Variants in TTC28 observed in about 807,000 individuals in gnomAD.
TTC28 encodes the protein tetratricopeptide repeat domain 28.
In TTC28, 61 loss-of-function variants were observed where a neutral mutation model predicts 198.0. That is an observed-to-expected ratio of 0.31 (90% CI 0.25 to 0.38). The LOEUF is 0.38. TTC28 is among the 10% of genes least tolerant of loss of function. The pLI is 1.00. For missense variants in TTC28, 2,678 were observed against 3,164.0 expected (o/e 0.85, Z 3.69); for synonymous variants, 1,171 against 1,297.8 (o/e 0.90, Z 2.10).
rs947416904 is a variant in TTC28 at position 27,999,188 on chromosome 22, G to C, written c.4471C>G (p.Leu1491Val). The change falls in exon 16 of 23, where the codon CTA (leucine) becomes GTA (valine). Residue 1491 changes from leucine (L) to valine (V), a missense_variant. This residue lies in a region of TTC28 where 727 missense variants were observed against 861.9 expected (regional missense o/e 0.84). Transcript: ENST00000397906. ...SMAAVIGNPK[L>V]PSAVMDRWLW... Reference sequence around the variant, plus strand: ...CACCTGTCCATCACGGCCGATGGTAGCTTGGGGTTGCCGATGACAGCCGCC... The same window carrying C: ...CACCTGTCCATCACGGCCGATGGTACCTTGGGGTTGCCGATGACAGCCGCC... 6.4e-7 allele frequency: 1 copy of C among 1,550,914 alleles called. No individual in the cohort carries two copies. The highest frequency in any genetic ancestry group is 8.7e-7 in the Non-Finnish European group (1 of 1,146,996).
intron 13 of TTC28, among the ~76,000 whole-genome samples, chr22:28,025,573 A>G (rs1214067806): frequency 2.6e-5 from 4 of 152,218 alleles, no homozygotes; most frequent in African/African-American, 4.8e-5. Context: ...GGTGGCCCAC[A>G]TGTACGTTCA....
intron 5 of TTC28, among the ~76,000 whole-genome samples, chr22:28,204,014 C>T (rs1355112324): frequency 6.6e-6 from 1 of 152,160 alleles, no homozygotes; most frequent in Non-Finnish European, 1.5e-5. Context: ...CTACCTCTGC[C>T]TGTCAAAACT....
chr22:28,079,283 G>A (rs972702396), intron 12 of TTC28, among the ~76,000 whole-genome samples: 9 of 152,290 alleles, frequency 5.9e-5, no homozygotes, highest in African/African-American at 2.2e-4. Flanking sequence ...TAGAGATGAT[G>A]GTGACCTGCA....
chr22:28,586,008 C>G (rs775885650), intron 2 of TTC28, among the ~76,000 whole-genome samples: 1 of 151,522 alleles, frequency 6.6e-6, no homozygotes, highest in Non-Finnish European at 1.5e-5. Context: ...AAGCCGGGTG[C>G]GGTGGCTCAT....
chr22:28,672,750 G>C (rs553512468), intron 1 of TTC28, among the ~76,000 whole-genome samples: 49 of 152,354 alleles, frequency 3.2e-4, no homozygotes, highest in African/African-American at 1.1e-3. Context: ...GGTAATAATA[G>C]TAACTGGAGA....
intron 2 of TTC28, among the ~76,000 whole-genome samples, chr22:28,491,633 G>A (rs1038963379): frequency 1.3e-5 from 2 of 152,188 alleles, no homozygotes; most frequent in African/African-American, 4.8e-5. Flanking sequence ...AGGATGTGGA[G>A]AAACAGGAAC....
intron 22 of TTC28, among the ~76,000 whole-genome samples, chr22:27,984,769 A>T (rs1282379036): frequency 6.6e-6 from 1 of 152,204 alleles, no homozygotes; most frequent in African/African-American, 2.4e-5. Context: ...ATCTGTCATG[A>T]CCTTCAGCAG....
chr22:28,055,134 T>G (rs1157373284), intron 12 of TTC28, among the ~76,000 whole-genome samples: 1 of 152,130 alleles, frequency 6.6e-6, no homozygotes, highest in East Asian at 1.9e-4. Context: ...TAAAAAGCAG[T>G]GAAAAACAGG....
intron 1 of TTC28, among the ~76,000 whole-genome samples, chr22:28,637,487 A>G (rs545379459): frequency 1.3e-5 from 2 of 152,320 alleles, no homozygotes; most frequent in South Asian, 4.1e-4. Context: ...GTTTTATGTG[A>G]GCATCAAGGT....
intron 5 of TTC28, among the ~76,000 whole-genome samples, chr22:28,207,408 C>G (rs1041576344): frequency 2.6e-5 from 4 of 152,058 alleles, no homozygotes; most frequent in African/African-American, 9.7e-5. Context: ...ATAAAAAGGG[C>G]AAGGGGCCAC....
At chr22:28,610,637 A>G (rs2050804312) in intron 2 of TTC28, among the ~76,000 whole-genome samples, 1 of 152,186 alleles carries the variant, frequency 6.6e-6, no homozygotes, top group African/African-American at 2.4e-5. Flanking sequence ...AAAGGCTGAA[A>G]ATTCCAAAAA....
chr22:28,520,877 AC>A (rs1205716969), intron 2 of TTC28, among the ~76,000 whole-genome samples: 6 of 151,638 alleles, frequency 4.0e-5, no homozygotes, highest in Non-Finnish European at 8.8e-5. Flanking sequence ...ACATGGTAAA[AC>A]CCCGTCTCTA....
chr22:28,210,634 C>A (rs1270262504), intron 5 of TTC28, among the ~76,000 whole-genome samples: 1 of 152,034 alleles, frequency 6.6e-6, no homozygotes, highest in Non-Finnish European at 1.5e-5. Flanking sequence ...AAATATGGGA[C>A]TATGAGAAAA....
intron 2 of TTC28, among the ~76,000 whole-genome samples, chr22:28,389,654 T>C (rs1301330003): frequency 6.6e-6 from 1 of 151,224 alleles, no homozygotes; most frequent in Non-Finnish European, 1.5e-5. Context: ...TATTCTCTGA[T>C]GGTAGTTTGT....
chr22:28,042,066 A>G (rs1939659657), intron 12 of TTC28, among the ~76,000 whole-genome samples: 1 of 152,206 alleles, frequency 6.6e-6, no homozygotes, highest in Non-Finnish European at 1.5e-5. Context: ...CAATCATTAA[A>G]AAGTCAGGAA....
intron 5 of TTC28, among the ~76,000 whole-genome samples, chr22:28,218,576 A>G (rs1927593429): frequency 1.3e-5 from 2 of 152,176 alleles, no homozygotes; most frequent in Non-Finnish European, 2.9e-5. Context: ...ACATAAAAAA[A>G]AAAGTTCTAT....
intron 5 of TTC28, among the ~76,000 whole-genome samples, chr22:28,267,183 T>C (rs1446465570): frequency 1.3e-5 from 2 of 152,172 alleles, no homozygotes; most frequent in Non-Finnish European, 1.5e-5. Context: ...TACAATATGT[T>C]TCCTATGACC....
In TTC28 at chr22:27,982,149, C is replaced by CAGGGA. The variant is rs1188626893; in HGVS notation, c.*67_*71dup. On this transcript the variant is annotated 3_prime_UTR_variant, in exon 23 of 23. Transcript: ENST00000397906. The surrounding 1 kb of genome is among the most constrained non-coding windows in gnomAD (Gnocchi z 5.2). ...CTGGTGGCTGTGGGGGGACTGCACT[C>CAGGGA]AGGGAAGGGCTGAAGCAAACGCCAG... 4.9e-6 allele frequency: 7 copies of CAGGGA among 1,419,010 alleles called. No homozygotes were observed. In the African/African-American group the frequency reaches 1.0e-4, roughly 21 times the overall value. The allele number at this position is 1,419,010 out of a possible 1,614,324, so 87.9% of individuals were successfully genotyped here. A position where few individuals can be genotyped will look rare whatever the true frequency, so the allele number is the denominator to read the frequency against.
chr22:28,679,558 C>T, intron 1 of TTC28, 64 bp downstream of exon 1: 1 of 1,171,164 alleles, frequency 8.5e-7, no homozygotes, highest in Non-Finnish European at 1.2e-6. Context: ...TGAGGCCCGG[C>T]CCGGCTCCCA....
Sources: gnomAD v4.1 joint callset for allele counts (sites outside exome capture counted in the v4.1 genomes callset) on GRCh38, gnomAD v4.1.1 for gene constraint, gnomAD v4.1.1 regional missense constraint, Gnocchi (gnomAD v3.1) non-coding constraint, MANE v1.5 for transcripts, NCBI Gene and HGNC (gene_info 2026-07-23, HGNC 2026-07-21) for gene names.